CDK6: variants seen among roughly 807,000 people sequenced by gnomAD.
The protein encoded by CDK6 is cyclin-dependent kinase 6.
A neutral mutation model predicts 37.1 loss-of-function variants in CDK6; 6 were observed. The observed-to-expected ratio is 0.16, with a 90% CI of 0.09 to 0.32. The LOEUF (loss-of-function observed/expected upper bound fraction) is 0.32. Ranked by LOEUF, CDK6 falls within the 10% of genes least tolerant of loss-of-function variation. The probability of loss-of-function intolerance (pLI) is 1.00; values close to 1 mark genes in which losing one functional copy is unlikely to be tolerated. For missense variants in CDK6, 224 were observed against 418.9 expected (o/e 0.53, Z 4.06); for synonymous variants, 160 against 161.3 (o/e 0.99, Z 0.06).
chr7:92,825,957 A>C (rs577685544), intron 2 of CDK6, among the ~76,000 whole-genome samples: 2 of 152,254 alleles, frequency 1.3e-5, no homozygotes, highest in South Asian at 4.1e-4. Flanking sequence ...GTAAGACAAA[A>C]ATGAAACTTC....
In CDK6 at chr7:92,607,262, CAAG is replaced by C; in HGVS notation, c.*7875_*7877del. On this transcript the variant is annotated 3_prime_UTR_variant, in exon 8 of 8. Transcript: ENST00000424848. ...AGGGAAGCTTCTTCATGAGGGCAGA[CAAG>C]AGGAGGCACCACCCAGGCACTGGTC... 1 of 233,758 alleles carries C rather than the reference CAAG, an allele frequency of 4.3e-6. No individual in the cohort carries two copies. The highest frequency in any genetic ancestry group is 6.0e-5 in the East Asian group (1 of 16,590). The allele number at this position is 233,758 out of a possible 1,614,324, so 14.5% of individuals were successfully genotyped here.
chr7:92,706,861 G>T (rs2116672301), intron 4 of CDK6, among the ~76,000 whole-genome samples: 1 of 152,272 alleles, frequency 6.6e-6, no homozygotes, highest in African/African-American at 2.4e-5. Flanking sequence ...TGTATTCGAA[G>T]AATAGATACG....
Position 92,759,713 on chromosome 7 carries a change from A to G in CDK6, c.369+14983T>C, listed in dbSNP as rs560610566. 5.3e-3 allele frequency among the ~76,000 whole-genome samples: 808 copies of G among 151,498 alleles called. 9 individuals carry two copies. The highest frequency in any genetic ancestry group is 0.023 in the East Asian group (120 of 5,172). On this transcript the variant is annotated intron_variant, in intron 3 of 7. Transcript: ENST00000424848. The stretch of plus-strand genomic sequence containing the variant: ...ACTTTAAGGCAAAAAAAAAAAAAAA[A>G]AAAGAAAAAAGAAAGCTTAAAAAAA...
chr7:92,694,502 T>A (rs1285752186), intron 4 of CDK6, among the ~76,000 whole-genome samples: 1 of 152,314 alleles, frequency 6.6e-6, no homozygotes, highest in East Asian at 1.9e-4. Flanking sequence ...AATTACTCAA[T>A]ATAATTTGTG....
intron 2 of CDK6, among the ~76,000 whole-genome samples, chr7:92,806,341 G>A (rs555718828): frequency 9.2e-5 from 14 of 152,232 alleles, no homozygotes; most frequent in Non-Finnish European, 1.3e-4. Flanking sequence ...AAAGACGCCC[G>A]TTAAAACATG....
chr7:92,704,947 C>A (rs1677198059), intron 4 of CDK6, among the ~76,000 whole-genome samples: 1 of 152,148 alleles, frequency 6.6e-6, no homozygotes, highest in Non-Finnish European at 1.5e-5. Flanking sequence ...TTTATGTTCC[C>A]TTCAACAGAG....
rs1479181745 is a variant in CDK6, at chr7:92,778,946, T to TATATATATATATATAA, written c.234-4116_234-4115insTTATATATATATATAT. Among the ~76,000 whole-genome samples, 208 of 134,972 alleles carry TATATATATATATATAA rather than the reference T, an allele frequency of 1.5e-3. 11 individuals carry two copies. Among genetic ancestry groups the TATATATATATATATAA allele is most frequent in the African/African-American group, 4.6e-3 (154 of 33,532 alleles). 88.5% of individuals were successfully genotyped at this position (134,972 alleles called of 152,430 possible). A position where few individuals can be genotyped will look rare whatever the true frequency, so the allele number is the denominator to read the frequency against. On this transcript the variant is annotated intron_variant, in intron 2 of 7. Transcript: ENST00000424848. ...TATCATATATATATATATATATATA[T>TATATATATATATATAA]AAGATATTATAGTAATTTCCAAAAG... is the stretch of plus-strand genomic sequence containing the variant.
At chr7:92,785,119 A>G (rs1489850877) in intron 2 of CDK6, among the ~76,000 whole-genome samples, 1 of 152,170 alleles carries the variant, frequency 6.6e-6, no homozygotes, top group Non-Finnish European at 1.5e-5. Context: ...ATAGCCCAAA[A>G]CTGTAAATAA....
chr7:92,743,985 A>C (rs1342641916), intron 3 of CDK6, among the ~76,000 whole-genome samples: 1 of 152,182 alleles, frequency 6.6e-6, no homozygotes, highest in Non-Finnish European at 1.5e-5. Context: ...TATGCTTGAG[A>C]TTAGTGCACC....
chr7:92,672,170 C>CAG (rs1797091829), intron 4 of CDK6, among the ~76,000 whole-genome samples: 1 of 101,430 alleles, frequency 9.9e-6, no homozygotes, highest in African/African-American at 4.1e-5. Flanking sequence ...TACACATACA[C>CAG]ACACACACAC....
chr7:92,769,907 T>C (rs1799668936), intron 3 of CDK6, among the ~76,000 whole-genome samples: 2 of 152,096 alleles, frequency 1.3e-5, no homozygotes, highest in African/African-American at 2.4e-5. Context: ...TGGAAGGTGC[T>C]ATATAAGCAT....
chr7:92,785,492 A>G (rs925966356), intron 2 of CDK6, among the ~76,000 whole-genome samples: 3 of 152,220 alleles, frequency 2.0e-5, no homozygotes, highest in Non-Finnish European at 2.9e-5. Context: ...CAACTCAGTA[A>G]GTATACTGAC....
chr7:92,680,982 C>A (rs17164704), intron 4 of CDK6, among the ~76,000 whole-genome samples: 1 of 152,134 alleles, frequency 6.6e-6, no homozygotes, highest in South Asian at 2.1e-4. Flanking sequence ...AATACATTTA[C>A]AGTGTCATGC....
chr7:92,761,351 C>T (rs1562957986), intron 3 of CDK6, among the ~76,000 whole-genome samples: 1 of 152,092 alleles, frequency 6.6e-6, no homozygotes, highest in Non-Finnish European at 1.5e-5. Context: ...AAATATAAAA[C>T]AGGCCACTCG....
rs1801587141 is a variant in CDK6, at chr7:92,834,384, G to A, written c.-367-694C>T. ...TTTTGGGGTAAAGGAGTCTCGGTTG[G>A]AAACGGAATTCTCTCTCCGGCTGGG... is the stretch of plus-strand genomic sequence containing the variant. On this transcript the variant is annotated intron_variant, in intron 1 of 7. Coordinates refer to ENST00000424848, the MANE Select transcript of CDK6 (RefSeq NM_001145306.2). The surrounding 1 kb of genome is among the most constrained non-coding windows in gnomAD (Gnocchi z 4.6). Among the ~76,000 whole-genome samples the A allele has an allele frequency of 1.3e-5, 2 of 151,728 alleles. No individual in the cohort carries two copies. Among genetic ancestry groups the A allele is most frequent in the Non-Finnish European group, 2.9e-5 (2 of 67,932 alleles).
At chr7:92,681,731 T>C (rs1797340557) in intron 4 of CDK6, among the ~76,000 whole-genome samples, 1 of 152,180 alleles carries the variant, frequency 6.6e-6, no homozygotes, top group Non-Finnish European at 1.5e-5. Context: ...TCCTCCTGCC[T>C]TTGTCTCTTT....
intron 5 of CDK6, among the ~76,000 whole-genome samples, chr7:92,659,635 CCA>C (rs60702803): frequency 0.041 from 6,071 of 147,420 alleles, 283 homozygotes; most frequent in East Asian, 0.28. Flanking sequence ...CACACACACA[CCA>C]CACACACACA....
intron 3 of CDK6, among the ~76,000 whole-genome samples, chr7:92,762,919 G>C (rs1341192465): frequency 1.3e-5 from 2 of 152,140 alleles, no homozygotes; most frequent in African/African-American, 4.8e-5. Context: ...ATCTAAATCT[G>C]ATTGCTTAAT....
At chr7:92,763,940 C>T (rs1799518119) in intron 3 of CDK6, among the ~76,000 whole-genome samples, 1 of 152,104 alleles carries the variant, frequency 6.6e-6, no homozygotes, top group South Asian at 2.1e-4. Flanking sequence ...TAAGTGAGCA[C>T]CCCAGGTGGT....
Sources: allele counts gnomAD v4.1 joint callset (sites outside exome capture counted in the v4.1 genomes callset), GRCh38; gene constraint gnomAD v4.1.1; non-coding constraint Gnocchi (gnomAD v3.1); transcripts MANE v1.5; gene names NCBI Gene and HGNC (gene_info 2026-07-23, HGNC 2026-07-21).